The following SORCS2 variants were observed in gnomAD, a reference collection of about 807,000 sequenced individuals.
The protein encoded by SORCS2 is VPS10 domain-containing receptor SorCS2.
SORCS2 carries 100 observed loss-of-function variants against 141.6 expected under a neutral mutation model. The ratio of observed to expected loss-of-function variants is 0.71; its 90% CI spans 0.60 to 0.83. SORCS2 has a LOEUF of 0.83. SORCS2 is among the 40% of genes least tolerant of loss of function. The probability of loss-of-function intolerance (pLI) is 0.00; values close to 1 mark genes in which losing one functional copy is unlikely to be tolerated. For synonymous variants in SORCS2, 789 were observed against 676.9 expected (o/e 1.17, Z -2.57); for missense variants, 1,646 against 1,560.2 (o/e 1.05, Z -0.93).
intron 1 of SORCS2, among the ~76,000 whole-genome samples, chr4:7,386,755 AC>A: frequency 1.5e-5 from 1 of 64,606 alleles, no homozygotes; most frequent in Non-Finnish European, 3.1e-5. Flanking sequence ...ATACAGGTAC[AC>A]AGAGATACAC....
chr4:7,554,113 A>AGT (rs1560381667), intron 3 of SORCS2, among the ~76,000 whole-genome samples: 72 of 152,100 alleles, frequency 4.7e-4, no homozygotes, highest in Admixed American at 2.1e-3. Flanking sequence ...TCATACGGAA[A>AGT]GGCCATAAGG....
intron 2 of SORCS2, among the ~76,000 whole-genome samples, chr4:7,529,042 C>T (rs1733867588): frequency 6.6e-6 from 1 of 152,254 alleles, no homozygotes; most frequent in South Asian, 2.1e-4. Flanking sequence ...GGCCCACCCT[C>T]ACCCAGCATG....
intron 3 of SORCS2, among the ~76,000 whole-genome samples, chr4:7,542,583 G>T (rs967526287): frequency 2.6e-5 from 4 of 152,178 alleles, no homozygotes; most frequent in Admixed American, 6.5e-5. Context: ...TTCTCTCCCA[G>T]AGCCTTCGGG....
At chr4:7,515,619 G>A (rs971877258) in intron 2 of SORCS2, among the ~76,000 whole-genome samples, 12 of 152,172 alleles carry the variant, frequency 7.9e-5, no homozygotes, top group Non-Finnish European at 1.3e-4. Context: ...GCTGCCGCTC[G>A]GAACCCACCC....
At chr4:7,437,257 G>T (rs1022803771) in intron 2 of SORCS2, among the ~76,000 whole-genome samples, 1 of 152,172 alleles carries the variant, frequency 6.6e-6, no homozygotes, top group African/African-American at 2.4e-5. Context: ...TCTCTAGGGT[G>T]GCTCATAGGA....
intron 2 of SORCS2, among the ~76,000 whole-genome samples, chr4:7,507,654 A>G (rs893307680): frequency 6.6e-6 from 1 of 152,216 alleles, no homozygotes; most frequent in Non-Finnish European, 1.5e-5. Context: ...CGTGACACAC[A>G]CACTGACGGA....
intron 2 of SORCS2, among the ~76,000 whole-genome samples, chr4:7,412,509 C>T (rs866252548): frequency 6.6e-6 from 1 of 152,172 alleles, no homozygotes; most frequent in African/African-American, 2.4e-5. Flanking sequence ...ATAAGATCGT[C>T]TCAGATGCTT....
At chr4:7,359,524 G>A (rs933503708) in intron 1 of SORCS2, among the ~76,000 whole-genome samples, 1 of 152,176 alleles carries the variant, frequency 6.6e-6, no homozygotes, top group Non-Finnish European at 1.5e-5. Context: ...CAGAAGCCAT[G>A]GCGGGATCTA....
At chr4:7,213,682 A>G (rs1230841110) in intron 1 of SORCS2, among the ~76,000 whole-genome samples, 1 of 152,214 alleles carries the variant, frequency 6.6e-6, no homozygotes, top group East Asian at 1.9e-4. Context: ...GCCGAGGCCC[A>G]GGAGGTGAGT....
At chr4:7,375,745 A>G (rs368685453) in intron 1 of SORCS2, among the ~76,000 whole-genome samples, 21 of 152,386 alleles carry the variant, frequency 1.4e-4, no homozygotes, top group African/African-American at 4.6e-4. Flanking sequence ...AAAGCCTATT[A>G]GAAGTGACTG....
intron 1 of SORCS2, among the ~76,000 whole-genome samples, chr4:7,256,946 T>A (rs13136257): frequency 0.45 from 68,502 of 151,890 alleles, 16,285 homozygotes; most frequent in Non-Finnish European, 0.52. Context: ...ATCCTTTGGA[T>A]GTAGGTGTCA....
At chr4:7,567,088 A>G (rs1347165321) in intron 3 of SORCS2, among the ~76,000 whole-genome samples, 1 of 152,232 alleles carries the variant, frequency 6.6e-6, no homozygotes, top group Non-Finnish European at 1.5e-5. Context: ...TTTCAAGTGC[A>G]TTTTAAAATA....
chr4:7,421,918 G>A (rs1413586102), intron 2 of SORCS2, among the ~76,000 whole-genome samples: 1 of 151,898 alleles, frequency 6.6e-6, no homozygotes, highest in African/African-American at 2.4e-5. Flanking sequence ...GGCTGGGGCG[G>A]GGCTGGGCAT....
chr4:7,583,471 G>A (rs927131985), intron 3 of SORCS2, among the ~76,000 whole-genome samples: 1 of 152,126 alleles, frequency 6.6e-6, no homozygotes, highest in African/African-American at 2.4e-5. Flanking sequence ...GATATGGTTT[G>A]GCTGTGTCCC....
intron 2 of SORCS2, among the ~76,000 whole-genome samples, chr4:7,492,722 T>C (rs948392390): frequency 6.6e-6 from 1 of 152,132 alleles, no homozygotes; most frequent in Admixed American, 6.5e-5. Flanking sequence ...CTGAAGGAAA[T>C]GGTTTTAAAA....
intron 10 of SORCS2, among the ~76,000 whole-genome samples, chr4:7,687,538 G>T (rs755917337): frequency 6.6e-6 from 1 of 152,126 alleles, no homozygotes; most frequent in African/African-American, 2.4e-5. Flanking sequence ...TGGCTCTCCA[G>T]GGGTGACACA....
chr4:7,621,523 GT>G (rs1452720710), intron 3 of SORCS2, among the ~76,000 whole-genome samples: 1 of 151,650 alleles, frequency 6.6e-6, no homozygotes, highest in Non-Finnish European at 1.5e-5. Flanking sequence ...GTTTATGTGT[GT>G]GTCTATGTGT....
At chr4:7,235,453 A>G (rs1046107962) in intron 1 of SORCS2, among the ~76,000 whole-genome samples, 6 of 152,310 alleles carry the variant, frequency 3.9e-5, no homozygotes, top group South Asian at 2.1e-4. Context: ...AGAGGGTCCA[A>G]TCCTGGTCCC....
Position 7,193,110 on chromosome 4 carries a change from C to A in SORCS2, c.464C>A (p.Thr155Lys), listed in dbSNP as rs755766111. 3.2e-6 allele frequency: 5 copies of A among 1,546,296 alleles called. No homozygotes were observed. The highest frequency in any genetic ancestry group is 4.3e-6 in the Non-Finnish European group (5 of 1,155,624). Residue 155 changes from threonine to lysine, a missense_variant, in exon 1 of 27, where the codon ACG becomes AAG. Thr to Lys is a moderately conservative substitution (Grantham distance 78). Transcript: ENST00000507866. The surrounding 1 kb of genome is among the most constrained non-coding windows in gnomAD (Gnocchi z 4.8). ...ATHNQAMVHW[T>K]GENSSVILIL... The stretch of plus-strand genomic sequence containing the variant: ...CACAACCAGGCGATGGTGCACTGGA[C>A]GGGCGAGAACAGCAGCGTAAGTGAC...
Sources: allele counts gnomAD v4.1 joint callset (sites outside exome capture counted in the v4.1 genomes callset), GRCh38; gene constraint gnomAD v4.1.1; non-coding constraint Gnocchi (gnomAD v3.1); transcripts MANE v1.5; gene names NCBI Gene and HGNC (gene_info 2026-07-23, HGNC 2026-07-21).